The following OXR1 variants were observed in gnomAD, a reference collection of about 807,000 sequenced individuals.
OXR1 encodes oxidation resistance 1, also known as oxidation resistance protein 1.
OXR1 carries 41 observed loss-of-function variants against 104.6 expected under a neutral mutation model. The observed-to-expected ratio is 0.39, with a 90% confidence interval of 0.31 to 0.51. The LOEUF is 0.51. Ranked by LOEUF, OXR1 falls within the 20% of genes least tolerant of loss-of-function variation. The pLI is 0.77. For synonymous variants in OXR1, 348 were observed against 348.4 expected (o/e 1.00, Z 0.01); for missense variants, 955 against 1,031.9 (o/e 0.93, Z 1.02).
intron 3 of OXR1, among the ~76,000 whole-genome samples, chr8:106,636,248 T>C (rs976111129): frequency 1.3e-5 from 2 of 152,214 alleles, no homozygotes; most frequent in South Asian, 2.1e-4. Flanking sequence ...GTGTTTGTCA[T>C]ATAGAAAAGC....
chr8:106,689,515 C>T (rs1226562569), intron 6 of OXR1, among the ~76,000 whole-genome samples: 3 of 151,854 alleles, frequency 2.0e-5, no homozygotes, highest in Non-Finnish European at 4.4e-5. Flanking sequence ...AACATTGCCT[C>T]ATAAAATTAT....
At chr8:106,734,255 T>C (rs1319634353) in intron 11 of OXR1, among the ~76,000 whole-genome samples, 4 of 152,200 alleles carry the variant, frequency 2.6e-5, no homozygotes, top group Admixed American at 6.5e-5. Flanking sequence ...TCAGGTCTTA[T>C]TTTGTAATAA....
intron 3 of OXR1, among the ~76,000 whole-genome samples, chr8:106,553,578 C>T (rs1816041042): frequency 1.3e-5 from 2 of 152,090 alleles, no homozygotes; most frequent in Non-Finnish European, 2.9e-5. Flanking sequence ...CCTCGGTCTC[C>T]AAAAGTGCTG....
chr8:106,716,398 G>A lies in OXR1; in HGVS notation c.1956+2413G>A, dbSNP rs1244990498. Among the ~76,000 whole-genome samples, 8 of 26,806 alleles carry A rather than the reference G, an allele frequency of 3.0e-4. 2 individuals carry two copies. Among genetic ancestry groups the A allele is most frequent in the Non-Finnish European group, 5.9e-4 (8 of 13,612 alleles). 17.6% of individuals were successfully genotyped at this position (26,806 alleles called of 152,430 possible). A position where few individuals can be genotyped will look rare whatever the true frequency, so the allele number is the denominator to read the frequency against. On this transcript the variant is annotated intron_variant, in intron 11 of 16. Transcript: ENST00000517566. ...CCAGCACTTTGGGAGGCCGAGGCGG[G>A]TGGATCATGAGGTCAGGAGATCGAG... is the stretch of plus-strand genomic sequence containing the variant.
chr8:106,637,761 C>CTTT (rs71307078), intron 3 of OXR1, among the ~76,000 whole-genome samples: 40 of 128,376 alleles, frequency 3.1e-4, no homozygotes, highest in Admixed American at 1.0e-3. Flanking sequence ...ATAGTTTCGA[C>CTTT]TTTTTTTTTT....
intron 2 of OXR1, among the ~76,000 whole-genome samples, chr8:106,512,148 T>A (rs74950956): frequency 2.0e-5 from 3 of 152,170 alleles, no homozygotes; most frequent in African/African-American, 4.8e-5. Context: ...ATTTTACAGA[T>A]GAGAAAATGG....
chr8:106,442,150 T>C (rs1049289293), intron 2 of OXR1, among the ~76,000 whole-genome samples: 1 of 152,212 alleles, frequency 6.6e-6, no homozygotes, highest in Non-Finnish European at 1.5e-5. Context: ...TCGAAGCCTT[T>C]TTCTGCATCT....
intron 2 of OXR1, among the ~76,000 whole-genome samples, chr8:106,515,792 A>G (rs920367614): frequency 1.3e-5 from 2 of 152,168 alleles, no homozygotes; most frequent in Non-Finnish European, 2.9e-5. Context: ...ATTAGGAAAA[A>G]GTAGATAAAG....
chr8:106,706,823 A>G lies in OXR1; in HGVS notation c.1302A>G (p.Ser434=), dbSNP rs1310767883. Residue 434 remains serine (S), a synonymous_variant, in exon 9 of 17, where the codon TCA becomes TCG. Transcript: ENST00000517566. ...TTGCAGATAACTTTCAAGGAATATCAGGTCCTAAAGAAGACAGCACAAGTA... is the reference window on the plus strand; with the variant it reads ...TTGCAGATAACTTTCAAGGAATATCGGGTCCTAAAGAAGACAGCACAAGTA... ...DQIADNFQGI[S]GPKEDSTSIK... 1.2e-6 allele frequency: 2 copies of G among 1,612,288 alleles called. No individual in the cohort carries two copies. The highest frequency in any genetic ancestry group is 2.2e-5 in the South Asian group (2 of 90,556).
At chr8:106,643,316 T>C (rs1215735885) in intron 3 of OXR1, among the ~76,000 whole-genome samples, 1 of 152,158 alleles carries the variant, frequency 6.6e-6, no homozygotes, top group Non-Finnish European at 1.5e-5. Flanking sequence ...GGCATGGCTG[T>C]GTTCAAAGGA....
At chr8:106,604,973 C>A (rs1247610350) in intron 3 of OXR1, 1 of 152,150 alleles carries the variant, frequency 6.6e-6, no homozygotes, top group African/African-American at 2.4e-5. Flanking sequence ...GGATGTCATT[C>A]ATCCTGGGTA....
intron 3 of OXR1, among the ~76,000 whole-genome samples, chr8:106,548,016 A>C (rs1421318772): frequency 1.3e-5 from 2 of 152,106 alleles, no homozygotes; most frequent in East Asian, 3.9e-4. Flanking sequence ...TCCTATGGAA[A>C]TTCTATTTTT....
intron 11 of OXR1, among the ~76,000 whole-genome samples, chr8:106,714,627 A>G (rs540498033): frequency 9.1e-4 from 139 of 152,282 alleles, no homozygotes; most frequent in African/African-American, 3.1e-3. Flanking sequence ...TTAAGATTAC[A>G]TATTACCTTT....
chr8:106,532,816 G>T (rs1814193463), intron 3 of OXR1, among the ~76,000 whole-genome samples: 2 of 152,048 alleles, frequency 1.3e-5, no homozygotes, highest in South Asian at 4.1e-4. Flanking sequence ...GCCAGAAAAA[G>T]GATAAAATGC....
intron 3 of OXR1, among the ~76,000 whole-genome samples, chr8:106,603,630 A>T (rs762681148): frequency 6.6e-6 from 1 of 152,182 alleles, no homozygotes; most frequent in Non-Finnish European, 1.5e-5. Flanking sequence ...TTGCTTTTCT[A>T]TATTGCCAAA....
chr8:106,582,324 C>G (rs1306780689), intron 3 of OXR1, among the ~76,000 whole-genome samples: 1 of 151,480 alleles, frequency 6.6e-6, no homozygotes, highest in Non-Finnish European at 1.5e-5. Flanking sequence ...TTATTTGGAA[C>G]TATAGGAGTA....
intron 3 of OXR1, among the ~76,000 whole-genome samples, chr8:106,584,982 T>C (rs2130654513): frequency 6.6e-6 from 1 of 152,288 alleles, no homozygotes; most frequent in Middle Eastern, 3.4e-3. Flanking sequence ...CTTTAGTTTA[T>C]GTGGAACTTT....
chr8:106,340,491 C>T (rs1284854746), intron 1 of OXR1, among the ~76,000 whole-genome samples: 1 of 152,150 alleles, frequency 6.6e-6, no homozygotes, highest in African/African-American at 2.4e-5. Context: ...ATAGGCCTTT[C>T]CTGATCACCA....
chr8:106,561,563 A>G (rs982888728), intron 3 of OXR1, among the ~76,000 whole-genome samples: 13 of 152,128 alleles, frequency 8.5e-5, no homozygotes, highest in Admixed American at 8.5e-4. Flanking sequence ...GCTGACTTAA[A>G]CGTTCCTGTC....
Sources: allele counts gnomAD v4.1 joint callset (sites outside exome capture counted in the v4.1 genomes callset), GRCh38; gene constraint gnomAD v4.1.1; transcripts MANE v1.5; gene names NCBI Gene and HGNC (gene_info 2026-07-23, HGNC 2026-07-21).